Variants in BTF3L4 observed in about 807,000 individuals in gnomAD.
The protein encoded by BTF3L4 is transcription factor BTF3 homolog 4.
Under a neutral mutation model 16.8 loss-of-function variants are expected in BTF3L4, and 6 were observed. The observed-to-expected ratio is 0.36, with a 90% CI of 0.20 to 0.71. The LOEUF (loss-of-function observed/expected upper bound fraction) is 0.71. Among genes scored for constraint, BTF3L4 ranks in the 30% least tolerant of loss-of-function variants. BTF3L4 has a pLI of 0.58. For missense variants in BTF3L4, 92 were observed against 186.9 expected (o/e 0.49, Z 2.96); for synonymous variants, 39 against 59.8 (o/e 0.65, Z 1.60).
Position 52,086,975 on chromosome 1 carries a change from G to T in BTF3L4, c.*217G>T. On this transcript the variant is annotated 3_prime_UTR_variant, in exon 6 of 6. Coordinates refer to ENST00000313334, the MANE Select transcript of BTF3L4 (RefSeq NM_152265.5). ...TTTTTGGTCAAAATATGAAGTATTGGTGCAGTTTGAGGGTGTTTTGGTTTT... is the reference window on the plus strand; with the variant it reads ...TTTTTGGTCAAAATATGAAGTATTGTTGCAGTTTGAGGGTGTTTTGGTTTT... The T allele has an allele frequency of 2.3e-6, 1 of 433,228 alleles. No individual in the cohort carries two copies. Among genetic ancestry groups the T allele is most frequent in the Non-Finnish European group, 4.1e-6 (1 of 241,934 alleles). The allele number at this position is 433,228 out of a possible 1,614,324, so 26.8% of individuals were successfully genotyped here.
At chr1:52,065,527 A>C (rs1686624915) in intron 3 of BTF3L4, 1 of 151,984 alleles carries the variant, frequency 6.6e-6, no homozygotes, top group African/African-American at 2.4e-5. Context: ...CGGCCTCCCA[A>C]AGTGCTGGGA....
chr1:52,060,496 G>A (rs1473618366), intron 2 of BTF3L4: 1 of 1,266,586 alleles, frequency 7.9e-7, no homozygotes. Flanking sequence ...CTTATTCCCT[G>A]TACTTTTTAA....
chr1:52,083,645 AT>A, intron 4 of BTF3L4, 104 bp downstream of exon 4: 1 of 894,500 alleles, frequency 1.1e-6, no homozygotes, highest in South Asian at 1.7e-5. Flanking sequence ...GTATGTAATT[AT>A]TTTACTTTCT....
At position 52,066,845 on chromosome 1, in the gene BTF3L4, C is replaced by CA. The variant is rs1292952559; in HGVS notation, c.168+1918dup. 1.3e-3 allele frequency among the ~76,000 whole-genome samples: 195 copies of CA among 145,506 alleles called. 1 individual carries two copies. The highest frequency in any genetic ancestry group is 4.5e-3 in the African/African-American group (178 of 39,802). On this transcript the variant is annotated intron_variant, in intron 3 of 5. Transcript: ENST00000313334. ...TGGGCAACAGAGCGAGACTCCATCT[C>CA]AAAAAAAAAAATTTAATCATTACTG...
Position 52,089,448 on chromosome 1 carries a change from GGGT to G in BTF3L4, c.*2691_*2693del, listed in dbSNP as rs1282936002. On this transcript the variant is annotated 3_prime_UTR_variant, in exon 6 of 6. Coordinates refer to ENST00000313334, the MANE Select transcript of BTF3L4 (RefSeq NM_152265.5). ...CCTCCCTCTGGTGTGGGTAGACATAGGGTAAGAGTTTGGATGAAACTTTTGTAA... is the reference window on the plus strand; with the variant it reads ...CCTCCCTCTGGTGTGGGTAGACATAGAAGAGTTTGGATGAAACTTTTGTAA... 2 of 152,190 alleles carry G rather than the reference GGGT, an allele frequency of 1.3e-5. No individual in the cohort carries two copies. The highest frequency in any genetic ancestry group is 4.8e-5 in the African/African-American group (2 of 41,446). 9.4% of individuals were successfully genotyped at this position (152,190 alleles called of 1,614,324 possible).
intron 3 of BTF3L4, among the ~76,000 whole-genome samples, chr1:52,068,625 G>T (rs1686710374): frequency 6.6e-6 from 1 of 152,000 alleles, no homozygotes; most frequent in African/African-American, 2.4e-5. Flanking sequence ...TGCTTTTGCT[G>T]TTTTCATTTA....
At chr1:52,060,365 C>G in intron 2 of BTF3L4, 1 of 785,206 alleles carries the variant, frequency 1.3e-6, no homozygotes, top group Non-Finnish European at 1.8e-6. Flanking sequence ...CTGGATGTTA[C>G]CTACTTGTAC....
Position 52,088,911 on chromosome 1 carries a change from G to C in BTF3L4, c.*2153G>C, listed in dbSNP as rs1643995283. 1 of 138,720 alleles carries C rather than the reference G, an allele frequency of 7.2e-6. No individual in the cohort carries two copies. Among genetic ancestry groups the C allele is most frequent in the African/African-American group, 3.1e-5 (1 of 32,086 alleles). 8.6% of individuals were successfully genotyped at this position (138,720 alleles called of 1,614,324 possible). A position where few individuals can be genotyped will look rare whatever the true frequency, so the allele number is the denominator to read the frequency against. On this transcript the variant is annotated 3_prime_UTR_variant, in exon 6 of 6. Coordinates refer to ENST00000313334, the MANE Select transcript of BTF3L4 (RefSeq NM_152265.5). ...CCTGTCTCAGCCTCCACAGTAGCTG[G>C]GATTTTTTTTTTTTTTTTTTGTATT...
At chr1:52,086,468 A>G in intron 5 of BTF3L4, 2 of 482,188 alleles carry the variant, frequency 4.1e-6, no homozygotes, top group East Asian at 3.3e-5. Flanking sequence ...ACATATGAAA[A>G]TGCTATTCAC....
At chr1:52,086,607 G>T (rs995109186) in intron 5 of BTF3L4, 105 bp from the exon 6 acceptor site, 5 of 638,212 alleles carry the variant, frequency 7.8e-6, no homozygotes, top group Non-Finnish European at 1.4e-5. Context: ...GCTAATTCTG[G>T]TTGTACTAAT....
chr1:52,064,941 A>G lies in BTF3L4; in HGVS notation c.168+3A>G. The stretch of plus-strand genomic sequence containing the variant: ...ATAATATAGCTGGTATTGAAGAGGT[A>G]TGATCACTTTGCAAGTTGTTAAATT... On this transcript the variant is annotated splice_donor_region_variant and intron_variant, in intron 3 of 5. Coordinates refer to ENST00000313334, the MANE Select transcript of BTF3L4 (RefSeq NM_152265.5). 2.5e-6 allele frequency: 4 copies of G among 1,575,380 alleles called. No individual in the cohort carries two copies. The highest frequency in any genetic ancestry group is 3.5e-6 in the Non-Finnish European group (4 of 1,148,704).
chr1:52,086,463 T>C lies in BTF3L4; in HGVS notation c.431-249T>C, dbSNP rs1308484918. 9.4e-5 allele frequency: 45 copies of C among 481,230 alleles called. 3 individuals carry two copies. The South Asian group carries it at 1.7e-3, about 18-fold the overall frequency. 29.8% of individuals were successfully genotyped at this position (481,230 alleles called of 1,614,324 possible). On this transcript the variant is annotated intron_variant, in intron 5 of 5. Transcript: ENST00000313334. ...TTCTGTATGAATTATAATTGACATA[T>C]GAAAATGCTATTCACCTCAGTAATT...
chr1:52,059,938 A>G (rs1481894114), intron 2 of BTF3L4, 37 bp downstream of exon 2: 2 of 1,565,342 alleles, frequency 1.3e-6, no homozygotes, highest in South Asian at 2.3e-5. Flanking sequence ...AGGAGAATGT[A>G]TGATTACCAG....
At position 52,087,124 on chromosome 1, in the gene BTF3L4, C is replaced by T. The variant is rs1643979496; in HGVS notation, c.*366C>T. On this transcript the variant is annotated 3_prime_UTR_variant, in exon 6 of 6. Transcript: ENST00000313334. ...GAAAACAGTTCTATTTATCCTCCTC[C>T]CTCCCCAGTAGAAATAAAAAAAATC... 5.8e-6 allele frequency: 1 copy of T among 171,852 alleles called. No individual in the cohort carries two copies. The allele number at this position is 171,852 out of a possible 1,614,324, so 10.6% of individuals were successfully genotyped here. A position where few individuals can be genotyped will look rare whatever the true frequency, so the allele number is the denominator to read the frequency against.
chr1:52,059,631 G>T (rs1184776809), intron 1 of BTF3L4, among the ~76,000 whole-genome samples: 2 of 152,114 alleles, frequency 1.3e-5, no homozygotes, highest in South Asian at 4.1e-4. Context: ...TTCCCTCATG[G>T]TAATTTAATT....
At chr1:52,086,054 T>A in intron 4 of BTF3L4, 58 bp from the exon 5 acceptor site, 1 of 1,204,440 alleles carries the variant, frequency 8.3e-7, no homozygotes, top group Non-Finnish European at 1.2e-6. Context: ...ATAAACATTA[T>A]AAGTTTTCTT....
intron 1 of BTF3L4, among the ~76,000 whole-genome samples, chr1:52,058,637 T>C (rs978474804): frequency 2.0e-5 from 3 of 152,044 alleles, no homozygotes; most frequent in Non-Finnish European, 4.4e-5. Flanking sequence ...GTTTCGCTCT[T>C]GTTGCTCAGG....
chr1:52,077,125 C>T (rs958176879), intron 3 of BTF3L4, among the ~76,000 whole-genome samples: 1 of 152,258 alleles, frequency 6.6e-6, no homozygotes, highest in African/African-American at 2.4e-5. Flanking sequence ...CTGCTATTAT[C>T]AAGCCACTGT....
At chr1:52,079,287 G>T (rs1344608988) in intron 3 of BTF3L4, among the ~76,000 whole-genome samples, 1 of 151,032 alleles carries the variant, frequency 6.6e-6, no homozygotes, top group Non-Finnish European at 1.5e-5. Flanking sequence ...GGAGGCTGAG[G>T]CAGGAGAATC....
Sources: allele counts gnomAD v4.1 joint callset (sites outside exome capture counted in the v4.1 genomes callset), GRCh38; gene constraint gnomAD v4.1.1; transcripts MANE v1.5; gene names NCBI Gene and HGNC (gene_info 2026-07-23, HGNC 2026-07-21).